SEMA5A: variants seen among roughly 807,000 people sequenced by gnomAD.
SEMA5A encodes the protein semaphorin-5A.
SEMA5A carries 55 observed loss-of-function variants against 135.5 expected under a neutral mutation model. The ratio of observed to expected loss-of-function variants is 0.41; its 90% CI spans 0.33 to 0.51. SEMA5A has a LOEUF of 0.51. SEMA5A is among the 20% of genes least tolerant of loss of function. The pLI is 0.37. For missense variants in SEMA5A, 1,290 were observed against 1,419.9 expected (o/e 0.91, Z 1.47); for synonymous variants, 580 against 546.5 (o/e 1.06, Z -0.85).
At chr5:9,325,920 G>C (rs1752851875) in intron 4 of SEMA5A, among the ~76,000 whole-genome samples, 1 of 152,168 alleles carries the variant, frequency 6.6e-6, no homozygotes, top group Admixed American at 6.5e-5. Flanking sequence ...TTTTGTACTA[G>C]AGCAAATGAA....
chr5:9,277,946 C>T lies in SEMA5A; in HGVS notation c.271-40056G>A, dbSNP rs115695833. The stretch of plus-strand genomic sequence containing the variant: ...CATGTTCCGCACATGTACCCCAGAA[C>T]TTAAAGTATAATAATAAAAAAGAAC... On this transcript the variant is annotated intron_variant, in intron 5 of 22. Coordinates refer to ENST00000382496, the MANE Select transcript of SEMA5A (RefSeq NM_003966.3). Among the ~76,000 whole-genome samples, 1,518 of 151,920 alleles carry T rather than the reference C, an allele frequency of 1.0e-2. 26 individuals carry two copies. The highest frequency in any genetic ancestry group is 0.035 in the African/African-American group (1,465 of 41,414).
At chr5:9,096,554 CTGTGTGTG>C (rs56202626) in intron 16 of SEMA5A, among the ~76,000 whole-genome samples, 112 of 144,512 alleles carry the variant, frequency 7.8e-4, no homozygotes, top group South Asian at 3.4e-3. Flanking sequence ...TAATATTCCA[CTGTGTGTG>C]TGTGTGTGTG....
At chr5:9,213,603 T>A (rs956773660) in intron 8 of SEMA5A, among the ~76,000 whole-genome samples, 9 of 152,154 alleles carry the variant, frequency 5.9e-5, no homozygotes, top group Non-Finnish European at 8.8e-5. Flanking sequence ...CTCTAGCCCA[T>A]GGGCCAAATC....
chr5:9,354,254 C>T (rs1754346270), intron 3 of SEMA5A, among the ~76,000 whole-genome samples: 1 of 152,190 alleles, frequency 6.6e-6, no homozygotes, highest in Admixed American at 6.5e-5. Flanking sequence ...ATAATAGTCA[C>T]TCTTGTTTCC....
chr5:9,386,185 C>T (rs150361722), intron 2 of SEMA5A, among the ~76,000 whole-genome samples: 3 of 152,138 alleles, frequency 2.0e-5, no homozygotes, highest in Non-Finnish European at 2.9e-5. Flanking sequence ...ACTGCTCACA[C>T]AGAAACTAGA....
rs112357520 is a variant in SEMA5A, at chr5:9,303,261, C to T, written c.270+15111G>A. On this transcript the variant is annotated intron_variant, in intron 5 of 22. Coordinates refer to ENST00000382496, the MANE Select transcript of SEMA5A (RefSeq NM_003966.3). ...CCTCCCCAGTAGCTGGGAATACAGG[C>T]GCCCACCACCATGCCCGGCTAATTT... is the stretch of plus-strand genomic sequence containing the variant. Among the ~76,000 whole-genome samples, 303 of 152,042 alleles carry T rather than the reference C, an allele frequency of 2.0e-3. 1 individual carries two copies. The highest frequency in any genetic ancestry group is 3.2e-3 in the Non-Finnish European group (219 of 67,960).
chr5:9,271,309 T>C (rs1185750798), intron 5 of SEMA5A, among the ~76,000 whole-genome samples: 2 of 152,160 alleles, frequency 1.3e-5, no homozygotes, highest in Non-Finnish European at 2.9e-5. Context: ...TGTGAGTCCA[T>C]TAAATCTCTT....
At chr5:9,173,254 C>T (rs1303334531) in intron 11 of SEMA5A, among the ~76,000 whole-genome samples, 1 of 148,216 alleles carries the variant, frequency 6.7e-6, no homozygotes. Context: ...AAATTCCAGA[C>T]AGGGAAAGTT....
At chr5:9,364,795 T>C (rs538689155) in intron 3 of SEMA5A, among the ~76,000 whole-genome samples, 2 of 152,344 alleles carry the variant, frequency 1.3e-5, no homozygotes, top group East Asian at 1.9e-4. Context: ...CCCAAACTTG[T>C]TGTGACTCAT....
At chr5:9,133,773 T>C (rs1741569287) in intron 13 of SEMA5A, among the ~76,000 whole-genome samples, 1 of 90,566 alleles carries the variant, frequency 1.1e-5, no homozygotes, top group African/African-American at 2.8e-5. Context: ...AATCTTTCCT[T>C]TTCTTTCTTT....
intron 1 of SEMA5A, among the ~76,000 whole-genome samples, chr5:9,473,039 TTTTA>T (rs901434933): frequency 1.7e-4 from 25 of 149,656 alleles, no homozygotes; most frequent in Non-Finnish European, 3.6e-4. Flanking sequence ...TTGCCCCATA[TTTTA>T]AGTTGTTCAT....
intron 5 of SEMA5A, among the ~76,000 whole-genome samples, chr5:9,245,348 G>A (rs1468463932): frequency 6.6e-6 from 1 of 152,058 alleles, no homozygotes; most frequent in African/African-American, 2.4e-5. Flanking sequence ...TTCCCTGGGG[G>A]TCTTGGAACC....
In SEMA5A at chr5:9,072,772, C is replaced by A. The variant is rs80199564; in HGVS notation, c.2074-6126G>T. Among the ~76,000 whole-genome samples the A allele has an allele frequency of 2.2e-3, 337 of 152,308 alleles. 7 individuals carry two copies. The East Asian group carries it at 0.057, about 26-fold the overall frequency. On this transcript the variant is annotated intron_variant, in intron 16 of 22. Transcript: ENST00000382496. Reference sequence around the variant, plus strand: ...ATTATGTCCTCAAAGAGAACCTTAGCATATTTTTAGGACAAAAAAATTGTC... The same window carrying A: ...ATTATGTCCTCAAAGAGAACCTTAGAATATTTTTAGGACAAAAAAATTGTC...
Position 9,405,245 on chromosome 5 carries a change from C to T in SEMA5A, c.-77-25222G>A, listed in dbSNP as rs139959767. Among the ~76,000 whole-genome samples the T allele has an allele frequency of 5.9e-3, 897 of 152,260 alleles. 1 individual carries two copies. Among genetic ancestry groups the T allele is most frequent in the Non-Finnish European group, 8.1e-3 (549 of 68,030 alleles). ...AAATAACTTCACAGAAAAACAGACT[C>T]CCCAGAGATTCAAAATTCCCCAGGA... On this transcript the variant is annotated intron_variant, in intron 2 of 22. Transcript: ENST00000382496.
chr5:9,268,613 T>C (rs1033846491), intron 5 of SEMA5A, among the ~76,000 whole-genome samples: 1 of 152,130 alleles, frequency 6.6e-6, no homozygotes, highest in African/African-American at 2.4e-5. Context: ...CCCCAGGCCA[T>C]AAGAGTTGAT....
intron 3 of SEMA5A, among the ~76,000 whole-genome samples, chr5:9,376,256 C>A (rs1755358514): frequency 6.6e-6 from 1 of 152,144 alleles, no homozygotes; most frequent in Non-Finnish European, 1.5e-5. Context: ...ATGCCCTCCA[C>A]CTCCTCCTCC....
At chr5:9,193,120 C>G (rs1000379531) in intron 10 of SEMA5A, among the ~76,000 whole-genome samples, 11 of 151,938 alleles carry the variant, frequency 7.2e-5, no homozygotes, top group Admixed American at 4.6e-4. Context: ...ATTTTGCTGG[C>G]TATAATATTC....
intron 6 of SEMA5A, among the ~76,000 whole-genome samples, chr5:9,234,722 T>G (rs1487271780): frequency 1.3e-5 from 2 of 152,236 alleles, no homozygotes; most frequent in African/African-American, 2.4e-5. Context: ...CAAATGCGGT[T>G]TGAGTCAATT....
At chr5:9,544,582 G>C (rs1361013715) in intron 1 of SEMA5A, among the ~76,000 whole-genome samples, 1 of 150,892 alleles carries the variant, frequency 6.6e-6, no homozygotes, top group African/African-American at 2.4e-5. Context: ...TGGGACTCCC[G>C]CCCACTCGCC....
Sources: gnomAD v4.1 joint callset for allele counts (sites outside exome capture counted in the v4.1 genomes callset) on GRCh38, gnomAD v4.1.1 for gene constraint, MANE v1.5 for transcripts, NCBI Gene and HGNC (gene_info 2026-07-23, HGNC 2026-07-21) for gene names.